Variants in GLRA2 observed in about 807,000 individuals in gnomAD.
GLRA2 encodes glycine receptor alpha 2.
GLRA2 carries 11 observed loss-of-function variants against 31.6 expected under a neutral mutation model. That is an observed-to-expected ratio of 0.35 (90% CI 0.22 to 0.58). The LOEUF is 0.58. GLRA2 is among the 20% of genes least tolerant of loss of function. GLRA2 has a pLI of 0.84. For missense variants in GLRA2, 212 were observed against 351.8 expected, an observed-to-expected ratio of 0.60 and a Z score of 3.18; for synonymous variants, 132 against 134.0, an observed-to-expected ratio of 0.99 and a Z score of 0.10.
chrX:14,695,705 C>T (rs1000358443), intron 8 of GLRA2, among the ~76,000 whole-genome samples: 1 of 111,923 alleles, frequency 8.9e-6, no homozygotes, highest in Admixed American at 9.4e-5. Flanking sequence ...TGGTTGCTAG[C>T]CAATTGGTAT....
chrX:14,726,932 G>A (rs1274964924), intron 8 of GLRA2, among the ~76,000 whole-genome samples: 1 of 111,685 alleles, frequency 9.0e-6, no homozygotes, highest in African/African-American at 3.3e-5. Context: ...AGTTTCTAAA[G>A]GTTTATAGAG....
chrX:14,649,575 G>A (rs1397214430), intron 7 of GLRA2, among the ~76,000 whole-genome samples: 2 of 111,654 alleles, frequency 1.8e-5, no homozygotes, highest in East Asian at 2.8e-4. Flanking sequence ...AATTAGAGAT[G>A]GAGAAGAATA....
At chrX:14,727,087 T>C in intron 8 of GLRA2, among the ~76,000 whole-genome samples, 1 of 112,049 alleles carries the variant, frequency 8.9e-6, no homozygotes, top group East Asian at 2.8e-4. Context: ...GAATAGGTTG[T>C]ACATTTTAGA....
At chrX:14,510,464 G>T in the GLRA2 span, among the ~76,000 whole-genome samples, 1 of 111,494 alleles carries the variant, frequency 9.0e-6, no homozygotes, top group Admixed American at 9.6e-5. Flanking sequence ...GCCCCCAGAG[G>T]TATAGAGCAG....
At chrX:14,532,123 C>T (rs781274157) in intron 1 of GLRA2, 116 bp from the exon 2 acceptor site, 2 of 479,190 alleles carry the variant, frequency 4.2e-6, no homozygotes, top group African/African-American at 5.0e-5. Context: ...TTCTAGTTTT[C>T]TTCATACTAA....
Position 14,674,095 on chromosome X carries a change from G to A in GLRA2, c.931-16615G>A, listed in dbSNP as rs776543390. Reference sequence around the variant, plus strand: ...ATCGCAGCTCAACTATTCTTTTGCTGTGTGATCTTGGTAAAGTTAATGAGT... The same window carrying A: ...ATCGCAGCTCAACTATTCTTTTGCTATGTGATCTTGGTAAAGTTAATGAGT... On this transcript the variant is annotated intron_variant, in intron 7 of 8. Coordinates refer to ENST00000218075, the MANE Select transcript of GLRA2 (RefSeq NM_002063.4). Among the ~76,000 whole-genome samples, 7 of 112,458 alleles carry A rather than the reference G, an allele frequency of 6.2e-5. 1 individual carries two copies. The highest frequency in any genetic ancestry group is 1.9e-4 in the African/African-American group (6 of 30,935).
At chrX:14,678,177 T>C (rs1026470274) in intron 7 of GLRA2, among the ~76,000 whole-genome samples, 1 of 112,249 alleles carries the variant, frequency 8.9e-6, no homozygotes, top group African/African-American at 3.2e-5. Flanking sequence ...CAAAATTGTT[T>C]AAACAAAACA....
chrX:14,673,077 C>A (rs888467228), intron 7 of GLRA2, among the ~76,000 whole-genome samples: 1 of 111,407 alleles, frequency 9.0e-6, no homozygotes, highest in African/African-American at 3.3e-5. Context: ...CTCTACCATT[C>A]AATTGAAATT....
rs1244705889 is a variant in GLRA2, at chrX:14,714,509, A to C, written c.1081-15698A>C. On this transcript the variant is annotated intron_variant, in intron 8 of 8. Transcript: ENST00000218075. ...GTGGTAACTAGGAGTTGTATAGCCC[A>C]ACTCAACTCCCTATGCCGCCACCCC... is the stretch of plus-strand genomic sequence containing the variant. 2.7e-5 allele frequency among the ~76,000 whole-genome samples: 3 copies of C among 111,832 alleles called. No individual in the cohort carries two copies. In the East Asian group the frequency reaches 8.4e-4, roughly 31 times the overall value.
chrX:14,523,105 C>T, the GLRA2 span, among the ~76,000 whole-genome samples: 6 of 112,114 alleles, frequency 5.4e-5, no homozygotes, highest in South Asian at 2.2e-3. Context: ...CGCTAACCCC[C>T]TTCATCAATG....
intron 8 of GLRA2, among the ~76,000 whole-genome samples, chrX:14,700,761 T>C (rs2091528949): frequency 9.1e-6 from 1 of 110,086 alleles, no homozygotes; most frequent in South Asian, 4.0e-4. Context: ...AGGAGGCATA[T>C]AGGCCATGGA....
In GLRA2 at chrX:14,564,028, G is replaced by A. The variant is rs191112013; in HGVS notation, c.203-10305G>A. Among the ~76,000 whole-genome samples, 401 of 111,183 alleles carry A rather than the reference G, an allele frequency of 3.6e-3. 6 individuals are homozygous for A. The highest frequency in any genetic ancestry group is 0.012 in the African/African-American group (365 of 30,665). On this transcript the variant is annotated intron_variant, in intron 2 of 8. Coordinates refer to ENST00000218075, the MANE Select transcript of GLRA2 (RefSeq NM_002063.4). Reference sequence around the variant, plus strand: ...GTTCCAGAAGAATAAAGAGTGGAAAGAATATATGAATAAAAAAATTTTGAG... The same window carrying A: ...GTTCCAGAAGAATAAAGAGTGGAAAAAATATATGAATAAAAAAATTTTGAG...
the GLRA2 span, among the ~76,000 whole-genome samples, chrX:14,486,997 C>T: frequency 9.0e-6 from 1 of 110,585 alleles, no homozygotes; most frequent in African/African-American, 3.3e-5. Context: ...GACAGAGACA[C>T]TTGAAGAACT....
intron 7 of GLRA2, among the ~76,000 whole-genome samples, chrX:14,624,143 G>C (rs1256361598): frequency 5.4e-5 from 6 of 111,820 alleles, no homozygotes; most frequent in Non-Finnish European, 1.1e-4. Context: ...GTGTAGAGGT[G>C]TTTATAGTAT....
chrX:14,564,897 A>G (rs1312520731), intron 2 of GLRA2, among the ~76,000 whole-genome samples: 1 of 111,602 alleles, frequency 9.0e-6, no homozygotes, highest in Non-Finnish European at 1.9e-5. Flanking sequence ...AAATATGTGA[A>G]AAGTTAACAC....
At chrX:14,594,283 C>G (rs937447801) in intron 4 of GLRA2, among the ~76,000 whole-genome samples, 3 of 110,877 alleles carry the variant, frequency 2.7e-5, no homozygotes, top group African/African-American at 9.9e-5. Flanking sequence ...AAAATGAACT[C>G]AAAACATTTT....
the GLRA2 span, among the ~76,000 whole-genome samples, chrX:14,510,551 G>A: frequency 9.0e-6 from 1 of 110,837 alleles, no homozygotes; most frequent in African/African-American, 3.3e-5. Context: ...CCTTGGTGAT[G>A]AAAAAATACC....
At chrX:14,647,748 G>A (rs941857533) in intron 7 of GLRA2, among the ~76,000 whole-genome samples, 1 of 112,391 alleles carries the variant, frequency 8.9e-6, no homozygotes, top group Non-Finnish European at 1.9e-5. Flanking sequence ...AAAAGTGGTG[G>A]CTTTTGAGAT....
At chrX:14,644,692 GC>G (rs1435507635) in intron 7 of GLRA2, among the ~76,000 whole-genome samples, 1 of 111,503 alleles carries the variant, frequency 9.0e-6, no homozygotes. Flanking sequence ...AAATTAACAT[GC>G]TTTTAATAAA....
Sources: gnomAD v4.1 joint callset for allele counts (sites outside exome capture counted in the v4.1 genomes callset) on GRCh38, gnomAD v4.1.1 for gene constraint, MANE v1.5 for transcripts, NCBI Gene and HGNC (gene_info 2026-07-23, HGNC 2026-07-21) for gene names.